Variants in PKD1L1 observed in about 807,000 individuals in gnomAD.
The protein encoded by PKD1L1 is polycystin 1 like 1, transient receptor potential channel interacting.
PKD1L1 carries 236 observed loss-of-function variants against 323.4 expected under a neutral mutation model. That is an observed-to-expected ratio of 0.73 (90% CI 0.66 to 0.81). The LOEUF (loss-of-function observed/expected upper bound fraction) is 0.81, where lower values mean the gene tolerates loss of function less well. PKD1L1 is among the 40% of genes least tolerant of loss of function. The pLI, the probability that PKD1L1 is intolerant of heterozygous loss-of-function variation, is 0.00. For synonymous variants in PKD1L1, 1,344 were observed against 1,335.0 expected, an observed-to-expected ratio of 1.01 and a Z score of -0.15; for missense variants, 3,320 against 3,508.0, an observed-to-expected ratio of 0.95 and a Z score of 1.35.
the PKD1L1 span, among the ~76,000 whole-genome samples, chr7:47,959,730 C>A: frequency 2.1e-5 from 3 of 144,316 alleles, no homozygotes; most frequent in African/African-American, 5.0e-5. Context: ...CCAGCCGCCC[C>A]GTCCGGGAGG....
Position 47,866,522 on chromosome 7 carries a change from A to G in PKD1L1, c.3989T>C (p.Leu1330Pro). The G allele has an allele frequency of 6.2e-7, 1 of 1,614,076 alleles. No individual in the cohort carries two copies. ...RNYITVITRI[L>P]SRLSKEDKTA... Reference sequence around the variant, plus strand: ...TTTGTCCTCCTTAGACAAACGACTCAGGATTCTGGTGATCACAGTGATGTA... The same window carrying G: ...TTTGTCCTCCTTAGACAAACGACTCGGGATTCTGGTGATCACAGTGATGTA... The change falls in exon 25 of 57, where the codon CTG becomes CCG. Residue 1330 changes from leucine to proline, a missense_variant. Transcript: ENST00000289672.
intron 7 of PKD1L1, among the ~76,000 whole-genome samples, chr7:47,917,939 A>G (rs1001225302): frequency 2.0e-5 from 3 of 152,184 alleles, no homozygotes; most frequent in African/African-American, 7.2e-5. Context: ...TAACTAAAGT[A>G]TACAGGCAAC....
At chr7:47,938,864 C>T (rs1205084041) in intron 3 of PKD1L1, among the ~76,000 whole-genome samples, 2 of 152,230 alleles carry the variant, frequency 1.3e-5, no homozygotes, top group Non-Finnish European at 2.9e-5. Context: ...TTAGAATCTT[C>T]AGAGGCAGGG....
rs563743049 is a variant in PKD1L1, at chr7:47,778,836, A to G, written c.8527-3670T>C. ...GGACACTGACTTCCCACTGACCTCA[A>G]AGGCAGTGCTGTTCTTGAACAGGAC... On this transcript the variant is annotated intron_variant, in intron 56 of 56. Transcript: ENST00000289672. 2.0e-5 allele frequency among the ~76,000 whole-genome samples: 3 copies of G among 152,318 alleles called. No individual in the cohort carries two copies. The South Asian group carries it at 6.2e-4, about 32-fold the overall frequency.
rs1253336898 is a variant in PKD1L1, at chr7:47,905,212, G to C, written c.1636C>G (p.Pro546Ala). Residue 546 changes from proline to alanine, a missense_variant, in exon 11 of 57, where the codon CCA (proline) becomes GCA (alanine). Transcript: ENST00000289672. ...CTTCTTGAAGTTGTCCTCACTGGTGGATCCTCTCCAAAATACCACTCAAAT... is the reference window on the plus strand; with the variant it reads ...CTTCTTGAAGTTGTCCTCACTGGTGCATCCTCTCCAAAATACCACTCAAAT... Reference protein sequence around the residue: ...LEFEWYFGEDPPVRTTSRSIK... With the variant: ...LEFEWYFGEDAPVRTTSRSIK... 6.2e-7 allele frequency: 1 copy of C among 1,614,120 alleles called. No individual in the cohort carries two copies. The highest frequency in any genetic ancestry group is 8.5e-7 in the Non-Finnish European group (1 of 1,180,026).
intron 56 of PKD1L1, among the ~76,000 whole-genome samples, chr7:47,781,866 T>C (rs543000512): frequency 2.0e-5 from 3 of 152,360 alleles, no homozygotes; most frequent in African/African-American, 7.2e-5. Flanking sequence ...CAAGTTCTTT[T>C]TGTTTTCTTT....
chr7:47,913,370 G>A (rs569549133), intron 8 of PKD1L1, among the ~76,000 whole-genome samples: 1 of 152,308 alleles, frequency 6.6e-6, no homozygotes, highest in South Asian at 2.1e-4. Flanking sequence ...GGGAAAGCAG[G>A]TTGATATGAT....
chr7:47,883,955 G>A (rs902175278), intron 19 of PKD1L1, among the ~76,000 whole-genome samples: 3 of 152,130 alleles, frequency 2.0e-5, no homozygotes, highest in African/African-American at 4.8e-5. Flanking sequence ...TAAGTCATTC[G>A]CTGATCATCA....
chr7:47,936,978 A>G lies in PKD1L1; in HGVS notation c.286-20T>C. On this transcript the variant is annotated intron_variant, in intron 3 of 56. Transcript: ENST00000289672. ...AATGTTCTGTAAGAAAAAATAATAA[A>G]ATAATGTGAGAGAGCTGCTTATGAA... 6.4e-7 allele frequency: 1 copy of G among 1,567,370 alleles called. No homozygotes were observed. The highest frequency in any genetic ancestry group is 1.4e-5 in the African/African-American group (1 of 73,290).
At chr7:47,868,439 T>C (rs1045775965) in intron 24 of PKD1L1, among the ~76,000 whole-genome samples, 1 of 151,942 alleles carries the variant, frequency 6.6e-6, no homozygotes, top group African/African-American at 2.4e-5. Flanking sequence ...AATAAAACTA[T>C]ACAAGAATAA....
In PKD1L1 at chr7:47,829,732, C is replaced by T. The variant is rs1785305842; in HGVS notation, c.6559-131G>A. On this transcript the variant is annotated intron_variant, in intron 43 of 56. Coordinates refer to ENST00000289672, the MANE Select transcript of PKD1L1 (RefSeq NM_138295.5). ...GTTTTAAAGACACCAGTAGTCACTGCCTTGGATTCCCAGCCCAACTACTCA... is the reference window on the plus strand; with the variant it reads ...GTTTTAAAGACACCAGTAGTCACTGTCTTGGATTCCCAGCCCAACTACTCA... 6 of 1,000,710 alleles carry T rather than the reference C, an allele frequency of 6.0e-6. No individual in the cohort carries two copies. In the Admixed American group the frequency reaches 1.3e-4, roughly 21 times the overall value. The allele number at this position is 1,000,710 out of a possible 1,614,324, so 62.0% of individuals were successfully genotyped here.
At chr7:47,890,871 C>A (rs909061) in intron 15 of PKD1L1, 108 bp from the exon 16 acceptor site, 5 of 922,384 alleles carry the variant, frequency 5.4e-6, no homozygotes, top group Non-Finnish European at 8.4e-6. Flanking sequence ...ACAGGGGACA[C>A]GTGCTGGGAA....
chr7:47,788,575 A>T (rs917847536), intron 56 of PKD1L1, among the ~76,000 whole-genome samples: 20 of 96,838 alleles, frequency 2.1e-4, no homozygotes, highest in African/African-American at 6.7e-4. Flanking sequence ...ATATATATAT[A>T]TATTTTTTTT....
At position 47,920,499 on chromosome 7, in the gene PKD1L1, AT is replaced by A. The variant is rs1787514626; in HGVS notation, c.1061-4901del. ...AATCTACAAATTCAGTGGAATACCCATCAAAACACCACCATCATCTTCACAG... is the reference window on the plus strand; with the variant it reads ...AATCTACAAATTCAGTGGAATACCCACAAAACACCACCATCATCTTCACAG... On this transcript the variant is annotated intron_variant, in intron 7 of 56. Transcript: ENST00000289672. 2.6e-5 allele frequency among the ~76,000 whole-genome samples: 4 copies of A among 152,304 alleles called. No homozygotes were observed. In the South Asian group the frequency reaches 8.3e-4, roughly 32 times the overall value.
chr7:47,779,715 T>C (rs930201673), intron 56 of PKD1L1, among the ~76,000 whole-genome samples: 3 of 152,114 alleles, frequency 2.0e-5, no homozygotes, highest in African/African-American at 7.2e-5. Flanking sequence ...GAACATATGG[T>C]GCGGGGCCCA....
At chr7:47,938,165 C>A (rs540233960) in intron 3 of PKD1L1, among the ~76,000 whole-genome samples, 2 of 152,230 alleles carry the variant, frequency 1.3e-5, no homozygotes, top group Admixed American at 1.3e-4. Context: ...ATAGGTTAAC[C>A]AACGGCCCAG....
intron 24 of PKD1L1, among the ~76,000 whole-genome samples, chr7:47,872,227 G>A (rs1786297163): frequency 6.6e-6 from 1 of 152,188 alleles, no homozygotes; most frequent in African/African-American, 2.4e-5. Flanking sequence ...AGGCTGGAGA[G>A]GCTGGCCGGC....
chr7:47,886,037 C>T lies in PKD1L1; in HGVS notation c.2854G>A (p.Val952Met), dbSNP rs1786677411. 6.2e-7 allele frequency: 1 copy of T among 1,613,174 alleles called. No individual in the cohort carries two copies. The change falls in exon 18 of 57, where the codon GTG (valine) becomes ATG (methionine). Residue 952 changes from valine to methionine, a missense_variant. By Grantham distance (21) the Val-to-Met change is conservative. Coordinates refer to ENST00000289672, the MANE Select transcript of PKD1L1 (RefSeq NM_138295.5). ...AGTCCCAGCGAGCCAAGCAGCCCCACTACTCTGCAGAAGGGAACTTAAGCA... is the reference window on the plus strand; with the variant it reads ...AGTCCCAGCGAGCCAAGCAGCCCCATTACTCTGCAGAAGGGAACTTAAGCA... ...NRIEVPFCRV[V>M]GLLGSLGLGA...
Position 47,873,974 on chromosome 7 carries a change from G to A in PKD1L1, c.3821C>T (p.Ser1274Phe). Residue 1274 changes from serine (S) to phenylalanine (F), a missense_variant, in exon 24 of 57, where the codon TCC becomes TTC. Physicochemically the swap from Ser to Phe is radical, Grantham distance 155. Coordinates refer to ENST00000289672, the MANE Select transcript of PKD1L1 (RefSeq NM_138295.5). The stretch of plus-strand genomic sequence containing the variant: ...CACCACAGTGCACGGCTGGACCTTG[G>A]AGCCTTTGCCATCTGTGATTTCAGT... ...VSTEITDGKG[S>F]KVQPCTVVVT... 1 of 1,613,802 alleles carries A rather than the reference G, an allele frequency of 6.2e-7. No homozygotes were observed. Among genetic ancestry groups the A allele is most frequent in the Non-Finnish European group, 8.5e-7 (1 of 1,179,828 alleles).
Sources: gnomAD v4.1 joint callset for allele counts (sites outside exome capture counted in the v4.1 genomes callset) on GRCh38, gnomAD v4.1.1 for gene constraint, MANE v1.5 for transcripts, NCBI Gene and HGNC (gene_info 2026-07-23, HGNC 2026-07-21) for gene names.